FGF12: variants seen among roughly 807,000 people sequenced by gnomAD.
The protein encoded by FGF12 is fibroblast growth factor 12B.
Under a neutral mutation model 23.6 loss-of-function variants are expected in FGF12, and 14 were observed. The observed-to-expected ratio is 0.59, with a 90% CI of 0.39 to 0.93. FGF12 has a LOEUF of 0.93. FGF12 is among the 40% of genes least tolerant of loss of function. The pLI is 0.00. For synonymous variants in FGF12, 62 were observed against 77.3 expected (o/e 0.80, Z 1.04); for missense variants, 175 against 217.8 (o/e 0.80, Z 1.24).
intron 5 of FGF12, among the ~76,000 whole-genome samples, chr3:192,167,731 G>GTATATACATA (rs1553845520): frequency 4.0e-5 from 1 of 25,046 alleles, no homozygotes; most frequent in African/African-American, 2.1e-4. Context: ...TAGGTTATAG[G>GTATATACATA]TATATATATA....
At chr3:192,282,168 G>T (rs1714183305) in intron 4 of FGF12, among the ~76,000 whole-genome samples, 6 of 152,134 alleles carry the variant, frequency 3.9e-5, no homozygotes, top group Admixed American at 3.9e-4. Context: ...ACAATTGTCT[G>T]ATTAATTCCT....
chr3:192,523,050 CATATT>C (rs1724860967), intron 2 of FGF12, among the ~76,000 whole-genome samples: 1 of 152,132 alleles, frequency 6.6e-6, no homozygotes, highest in East Asian at 1.9e-4. Context: ...AAATAAATAA[CATATT>C]ACAACAAAAA....
intron 2 of FGF12, among the ~76,000 whole-genome samples, chr3:192,720,064 T>C (rs1267636878): frequency 6.6e-6 from 1 of 152,252 alleles, no homozygotes; most frequent in Non-Finnish European, 1.5e-5. Context: ...GTGCATTTAG[T>C]TATCTTCTGA....
At chr3:192,272,775 T>C (rs1324928901) in intron 4 of FGF12, among the ~76,000 whole-genome samples, 1 of 152,086 alleles carries the variant, frequency 6.6e-6, no homozygotes, top group Non-Finnish European at 1.5e-5. Context: ...GCCCAACTGA[T>C]CATAGCCATT....
At chr3:192,405,867 T>C (rs1344904778) in intron 2 of FGF12, among the ~76,000 whole-genome samples, 7 of 152,206 alleles carry the variant, frequency 4.6e-5, no homozygotes, top group Admixed American at 3.3e-4. Flanking sequence ...AAAATGTTTT[T>C]ACACACACCA....
At chr3:192,231,166 T>C (rs1046260602) in intron 4 of FGF12, among the ~76,000 whole-genome samples, 2 of 152,298 alleles carry the variant, frequency 1.3e-5, no homozygotes, top group Non-Finnish European at 2.9e-5. Context: ...GAGTTCCGAA[T>C]TCTTCTCTGT....
chr3:192,648,828 A>T (rs1248018308), intron 2 of FGF12, among the ~76,000 whole-genome samples: 1 of 152,220 alleles, frequency 6.6e-6, no homozygotes, highest in Non-Finnish European at 1.5e-5. Context: ...ATTGAGTAAC[A>T]ACTAAATATA....
intron 2 of FGF12, among the ~76,000 whole-genome samples, chr3:192,534,930 CTTTGAT>C (rs1367036058): frequency 6.6e-6 from 1 of 152,056 alleles, no homozygotes; most frequent in South Asian, 2.1e-4. Flanking sequence ...TCAGTGGATA[CTTTGAT>C]TTTAAGTCTA....
chr3:192,714,671 A>G (rs1453950920), intron 2 of FGF12, among the ~76,000 whole-genome samples: 2 of 151,760 alleles, frequency 1.3e-5, no homozygotes, highest in Non-Finnish European at 2.9e-5. Flanking sequence ...GGCGCCCGCC[A>G]CTACGTCCGG....
chr3:192,705,916 TACA>T (rs1487109120), intron 2 of FGF12, among the ~76,000 whole-genome samples: 1 of 152,244 alleles, frequency 6.6e-6, no homozygotes, highest in African/African-American at 2.4e-5. Context: ...CCTGATTCTT[TACA>T]ATTATTCATT....
intron 2 of FGF12, among the ~76,000 whole-genome samples, chr3:192,635,805 T>G (rs1715558701): frequency 1.3e-5 from 2 of 152,190 alleles, no homozygotes; most frequent in African/African-American, 2.4e-5. Context: ...TCTGAAGTTC[T>G]ATGGAGAAGT....
intron 2 of FGF12, among the ~76,000 whole-genome samples, chr3:192,508,178 T>C (rs894184655): frequency 3.3e-5 from 5 of 152,054 alleles, no homozygotes; most frequent in African/African-American, 1.2e-4. Flanking sequence ...CAGTAATGAG[T>C]GGAGGGGGTA....
At position 192,584,311 on chromosome 3, in the gene FGF12, T is replaced by G. The variant is rs1249975290; in HGVS notation, c.13+142870A>C. On this transcript the variant is annotated intron_variant, in intron 2 of 5. Coordinates refer to ENST00000445105, the MANE Select transcript of FGF12 (RefSeq NM_004113.6). ...TGTATGCCGATCTTCTTCGGCCTTG[T>G]AAATTTGCACCAATTAAGAATATTA... 3.3e-5 allele frequency among the ~76,000 whole-genome samples: 5 copies of G among 152,248 alleles called. 1 individual carries two copies. The highest frequency in any genetic ancestry group is 1.2e-4 in the African/African-American group (5 of 41,554).
At chr3:192,666,651 C>A (rs1716882038) in intron 2 of FGF12, among the ~76,000 whole-genome samples, 1 of 152,148 alleles carries the variant, frequency 6.6e-6, no homozygotes, top group Admixed American at 6.5e-5. Context: ...TCTTCAAGTC[C>A]AAAGCCTTTG....
intron 5 of FGF12, among the ~76,000 whole-genome samples, chr3:192,159,875 A>C (rs1001096469): frequency 6.6e-6 from 1 of 152,118 alleles, no homozygotes; most frequent in Non-Finnish European, 1.5e-5. Flanking sequence ...CCAAAATGTC[A>C]GTAGTGTCTG....
At chr3:192,643,620 C>T (rs1233032950) in intron 2 of FGF12, among the ~76,000 whole-genome samples, 1 of 152,194 alleles carries the variant, frequency 6.6e-6, no homozygotes, top group African/African-American at 2.4e-5. Context: ...ATCCTGTCCA[C>T]TCTTCAAGGC....
At chr3:192,268,360 T>C (rs1327949567) in intron 4 of FGF12, among the ~76,000 whole-genome samples, 1 of 152,184 alleles carries the variant, frequency 6.6e-6, no homozygotes, top group East Asian at 1.9e-4. Context: ...GGTTTTCAAA[T>C]GGAATAAGAG....
intron 2 of FGF12, among the ~76,000 whole-genome samples, chr3:192,490,846 G>A (rs1250958995): frequency 6.6e-6 from 1 of 152,068 alleles, no homozygotes; most frequent in Admixed American, 6.6e-5. Context: ...CTAATCGATG[G>A]TGTCATCGCA....
At chr3:192,359,901 T>C (rs528936978) in intron 3 of FGF12, among the ~76,000 whole-genome samples, 36 of 150,838 alleles carry the variant, frequency 2.4e-4, no homozygotes, top group Non-Finnish European at 4.7e-4. Flanking sequence ...TATTTAAATA[T>C]ATTTTCCTTT....
Sources: gnomAD v4.1 joint callset for allele counts (sites outside exome capture counted in the v4.1 genomes callset) on GRCh38, gnomAD v4.1.1 for gene constraint, MANE v1.5 for transcripts, NCBI Gene and HGNC (gene_info 2026-07-23, HGNC 2026-07-21) for gene names.